Variants in GRM3 observed in about 807,000 individuals in gnomAD.
GRM3 encodes glutamate metabotropic receptor 3.
GRM3 carries 26 observed loss-of-function variants against 70.5 expected under a neutral mutation model. The ratio of observed to expected loss-of-function variants is 0.37; its 90% CI spans 0.27 to 0.51. GRM3 has a LOEUF of 0.51. Ranked by LOEUF, GRM3 falls within the 20% of genes least tolerant of loss-of-function variation. The probability of loss-of-function intolerance (pLI) is 0.93; values close to 1 mark genes in which losing one functional copy is unlikely to be tolerated. For missense variants in GRM3, 859 were observed against 1,123.8 expected, an observed-to-expected ratio of 0.76 and a Z score of 3.37; for synonymous variants, 443 against 434.9, an observed-to-expected ratio of 1.02 and a Z score of -0.23.
chr7:86,666,920 A>G (rs1443828555), intron 1 of GRM3, among the ~76,000 whole-genome samples: 2 of 152,146 alleles, frequency 1.3e-5, no homozygotes, highest in African/African-American at 2.4e-5. Flanking sequence ...ATTTTGTTGT[A>G]TAACTTAACT....
chr7:86,850,524 C>G lies in GRM3; in HGVS notation c.2546C>G (p.Thr849Ser), dbSNP rs1341620180. Reference sequence around the variant, plus strand: ...CTCAACAGGTTCAGTGTCAGTGGAACTGGGACCACATACTCTCAGTGTAAG... The same window carrying G: ...CTCAACAGGTTCAGTGTCAGTGGAAGTGGGACCACATACTCTCAGTGTAAG... Reference protein sequence around the residue: ...LHLNRFSVSGTGTTYSQSSAS... With the variant: ...LHLNRFSVSGSGTTYSQSSAS... Residue 849 changes from threonine to serine, a missense_variant, in exon 5 of 6, where the codon ACT (threonine) becomes AGT (serine). Transcript: ENST00000361669. 6.2e-7 allele frequency: 1 copy of G among 1,608,676 alleles called. No individual in the cohort carries two copies. The highest frequency in any genetic ancestry group is 1.3e-5 in the African/African-American group (1 of 74,748).
intron 2 of GRM3, among the ~76,000 whole-genome samples, chr7:86,773,968 A>C (rs542227826): frequency 2.6e-5 from 4 of 152,234 alleles, no homozygotes; most frequent in Non-Finnish European, 5.9e-5. Flanking sequence ...ACTGCAGGTC[A>C]GGTGTCTATG....
intron 3 of GRM3, among the ~76,000 whole-genome samples, chr7:86,832,844 C>G (rs1315414108): frequency 6.6e-6 from 1 of 152,160 alleles, no homozygotes; most frequent in Non-Finnish European, 1.5e-5. Flanking sequence ...GGATAATAAG[C>G]TAACCCGAGA....
chr7:86,644,849 C>A lies in GRM3; in HGVS notation c.-164C>A. 1 of 1,289,372 alleles carries A rather than the reference C, an allele frequency of 7.8e-7. No individual in the cohort carries two copies. Among genetic ancestry groups the A allele is most frequent in the South Asian group, 1.2e-5 (1 of 80,998 alleles). The allele number at this position is 1,289,372 out of a possible 1,614,324, so 79.9% of individuals were successfully genotyped here. On this transcript the variant is annotated 5_prime_UTR_variant, in exon 1 of 6. Transcript: ENST00000361669. Reference sequence around the variant, plus strand: ...GCTGCCACCGCGGTCAGCTCCAGTTCCTGCCAGGAGTTGTCGGTGCGAGGT... The same window carrying A: ...GCTGCCACCGCGGTCAGCTCCAGTTACTGCCAGGAGTTGTCGGTGCGAGGT...
At chr7:86,830,547 G>A (rs1309249498) in intron 3 of GRM3, among the ~76,000 whole-genome samples, 1 of 152,132 alleles carries the variant, frequency 6.6e-6, no homozygotes, top group Non-Finnish European at 1.5e-5. Context: ...TGGATAAATT[G>A]TGGCACATCA....
intron 1 of GRM3, among the ~76,000 whole-genome samples, chr7:86,667,615 T>A (rs1449652269): frequency 3.3e-5 from 5 of 152,132 alleles, no homozygotes; most frequent in Non-Finnish European, 7.3e-5. Flanking sequence ...GGAGTGGGGA[T>A]GGACAGCAAA....
At chr7:86,787,265 G>C (rs1471929444) in intron 3 of GRM3, 149 bp downstream of exon 3, 1 of 678,358 alleles carries the variant, frequency 1.5e-6, no homozygotes, top group East Asian at 2.6e-5. Context: ...GATGCAATAG[G>C]ATGGTTCTCT....
intron 1 of GRM3, among the ~76,000 whole-genome samples, chr7:86,654,110 G>C (rs1793673830): frequency 6.6e-6 from 1 of 152,140 alleles, no homozygotes; most frequent in Admixed American, 6.5e-5. Context: ...CACAAATACT[G>C]CCAAAGATAG....
At chr7:86,650,837 C>T (rs1267530283) in intron 1 of GRM3, among the ~76,000 whole-genome samples, 1 of 152,150 alleles carries the variant, frequency 6.6e-6, no homozygotes, top group Non-Finnish European at 1.5e-5. Flanking sequence ...CCTCTTACAA[C>T]CTACCTACTT....
At chr7:86,809,999 C>T (rs1562871519) in intron 3 of GRM3, among the ~76,000 whole-genome samples, 2 of 152,030 alleles carry the variant, frequency 1.3e-5, no homozygotes, top group South Asian at 4.1e-4. Context: ...GACCTCATGA[C>T]AAGAACATGA....
At chr7:86,757,958 G>A (rs1185432398) in intron 1 of GRM3, among the ~76,000 whole-genome samples, 1 of 152,120 alleles carries the variant, frequency 6.6e-6, no homozygotes, top group Non-Finnish European at 1.5e-5. Context: ...TCTTTGTAAA[G>A]ACATGTGTGA....
intron 3 of GRM3, among the ~76,000 whole-genome samples, chr7:86,797,676 G>T (rs567228924): frequency 6.6e-6 from 1 of 152,214 alleles, no homozygotes; most frequent in Non-Finnish European, 1.5e-5. Flanking sequence ...GTTCAAGCTG[G>T]CTGCATAAAT....
intron 1 of GRM3, among the ~76,000 whole-genome samples, chr7:86,662,894 TAG>T (rs929457520): frequency 3.3e-5 from 5 of 150,980 alleles, no homozygotes; most frequent in Non-Finnish European, 7.4e-5. Context: ...CTTCTCCATT[TAG>T]ATTTTTTTTT....
In GRM3 at chr7:86,743,672, ATAT is replaced by A. The variant is rs1352860046; in HGVS notation, c.-140-21330_-140-21328del. 3.9e-5 allele frequency among the ~76,000 whole-genome samples: 6 copies of A among 152,108 alleles called. 1 individual carries two copies. In the South Asian group the frequency reaches 1.2e-3, roughly 31 times the overall value. ...ATTGATTGAAATAAAAAAGTTTCTG[ATAT>A]TATACTTGTCAGAGGAATTTACATT... On this transcript the variant is annotated intron_variant, in intron 1 of 5. Transcript: ENST00000361669.
intron 1 of GRM3, among the ~76,000 whole-genome samples, chr7:86,752,005 T>G (rs1377616243): frequency 1.3e-5 from 2 of 152,110 alleles, no homozygotes; most frequent in Non-Finnish European, 2.9e-5. Flanking sequence ...TTTTGTTATT[T>G]TAAATTTTCA....
chr7:86,745,432 C>G (rs565327661), intron 1 of GRM3, among the ~76,000 whole-genome samples: 3 of 152,192 alleles, frequency 2.0e-5, no homozygotes, highest in Non-Finnish European at 4.4e-5. Flanking sequence ...AAAAATCTTA[C>G]TTAAACATCT....
chr7:86,672,678 C>T (rs1420825342), intron 1 of GRM3, among the ~76,000 whole-genome samples: 1 of 151,960 alleles, frequency 6.6e-6, no homozygotes, highest in East Asian at 1.9e-4. Context: ...CACACCTTTA[C>T]CCCCAGTGGT....
chr7:86,722,750 T>TA (rs111718336), intron 1 of GRM3, among the ~76,000 whole-genome samples: 356 of 151,834 alleles, frequency 2.3e-3, no homozygotes, highest in African/African-American at 6.3e-3. Flanking sequence ...TAAAATATGA[T>TA]AAAAAAAATC....
chr7:86,731,574 T>C (rs1272723492), intron 1 of GRM3, among the ~76,000 whole-genome samples: 1 of 152,216 alleles, frequency 6.6e-6, no homozygotes, highest in Admixed American at 6.5e-5. Context: ...TCTCATGTGA[T>C]CTTGGACAAA....
Sources: allele counts gnomAD v4.1 joint callset (sites outside exome capture counted in the v4.1 genomes callset), GRCh38; gene constraint gnomAD v4.1.1; transcripts MANE v1.5; gene names NCBI Gene and HGNC (gene_info 2026-07-23, HGNC 2026-07-21).